CAMTA1: variants seen among roughly 807,000 people sequenced by gnomAD.
The protein encoded by CAMTA1 is calmodulin-binding transcription activator 1.
In CAMTA1, 27 loss-of-function variants were observed where a neutral mutation model predicts 170.9. The observed-to-expected ratio is 0.16, with a 90% CI of 0.12 to 0.22. The LOEUF is 0.22. Among genes scored for constraint, CAMTA1 ranks in the 10% least tolerant of loss-of-function variants. The probability of loss-of-function intolerance (pLI) is 1.00; values close to 1 mark genes in which losing one functional copy is unlikely to be tolerated. For synonymous variants in CAMTA1, 833 were observed against 891.5 expected (o/e 0.93, Z 1.17); for missense variants, 1,619 against 2,217.2 (o/e 0.73, Z 5.42).
chr1:6,953,178 T>C (rs529789709), intron 3 of CAMTA1, among the ~76,000 whole-genome samples: 38 of 152,310 alleles, frequency 2.5e-4, no homozygotes, highest in Non-Finnish European at 4.7e-4. Flanking sequence ...TTTCTCTCCA[T>C]ATCAGTGTTG....
At chr1:7,373,530 C>T (rs1453527723) in intron 5 of CAMTA1, among the ~76,000 whole-genome samples, 1 of 152,132 alleles carries the variant, frequency 6.6e-6, no homozygotes, top group Non-Finnish European at 1.5e-5. Context: ...CACACTGCAG[C>T]GGGGGAAGGT....
At chr1:7,051,426 A>C (rs1195432981) in intron 3 of CAMTA1, among the ~76,000 whole-genome samples, 1 of 152,184 alleles carries the variant, frequency 6.6e-6, no homozygotes, top group Non-Finnish European at 1.5e-5. Flanking sequence ...TCTTCGCTAC[A>C]TCCTGGAGCT....
At chr1:7,135,776 C>T (rs528759456) in intron 4 of CAMTA1, among the ~76,000 whole-genome samples, 5 of 152,146 alleles carry the variant, frequency 3.3e-5, no homozygotes, top group African/African-American at 1.2e-4. Context: ...GACTCTCTAT[C>T]TGTCGTAATT....
intron 6 of CAMTA1, among the ~76,000 whole-genome samples, chr1:7,468,748 C>G (rs1007347809): frequency 6.6e-6 from 1 of 152,206 alleles, no homozygotes; most frequent in African/African-American, 2.4e-5. Flanking sequence ...GAGGCCTTTC[C>G]CACCATGGTT....
intron 3 of CAMTA1, among the ~76,000 whole-genome samples, chr1:7,066,963 G>T (rs150055446): frequency 1.3e-5 from 2 of 152,190 alleles, no homozygotes; most frequent in Admixed American, 6.5e-5. Flanking sequence ...ATTTGTTATC[G>T]CTGACTCTCA....
chr1:7,493,381 AAAC>A (rs1254718856), intron 6 of CAMTA1, among the ~76,000 whole-genome samples: 2 of 19,734 alleles, frequency 1.0e-4, no homozygotes, highest in Non-Finnish European at 1.6e-4. Flanking sequence ...GCGCACACAC[AAAC>A]AAACACGTGC....
chr1:7,495,300 C>T (rs1258410197), intron 6 of CAMTA1, among the ~76,000 whole-genome samples: 2 of 152,126 alleles, frequency 1.3e-5, no homozygotes, highest in Admixed American at 6.5e-5. Context: ...TGATCTTCAA[C>T]GATCATGATT....
chr1:7,233,653 G>C (rs564646639), intron 4 of CAMTA1, among the ~76,000 whole-genome samples: 1 of 152,288 alleles, frequency 6.6e-6, no homozygotes, highest in Non-Finnish European at 1.5e-5. Context: ...AGCCAGACAT[G>C]CCAAGTCTAA....
intron 5 of CAMTA1, among the ~76,000 whole-genome samples, chr1:7,352,476 G>A (rs138336453): frequency 2.4e-4 from 36 of 152,360 alleles, no homozygotes; most frequent in African/African-American, 8.7e-4. Context: ...CGGAGACACA[G>A]TGGCTGAGCT....
At chr1:7,223,129 C>T (rs1177822949) in intron 4 of CAMTA1, among the ~76,000 whole-genome samples, 1 of 152,114 alleles carries the variant, frequency 6.6e-6, no homozygotes, top group Non-Finnish European at 1.5e-5. Context: ...TTTGCCTTGC[C>T]TTTACTTACC....
chr1:6,791,526 C>A (rs531725390), intron 1 of CAMTA1, among the ~76,000 whole-genome samples: 1 of 152,268 alleles, frequency 6.6e-6, no homozygotes, highest in East Asian at 1.9e-4. Flanking sequence ...TGGCTTGATA[C>A]AATAAATTTC....
chr1:7,135,746 C>T (rs1439887885), intron 4 of CAMTA1, among the ~76,000 whole-genome samples: 1 of 152,126 alleles, frequency 6.6e-6, no homozygotes, highest in Non-Finnish European at 1.5e-5. Flanking sequence ...ATTTTAGCAC[C>T]TGGATCGCTG....
chr1:7,109,073 C>A (rs1643869402), intron 4 of CAMTA1, among the ~76,000 whole-genome samples: 1 of 152,248 alleles, frequency 6.6e-6, no homozygotes. Flanking sequence ...TCCAACAGGG[C>A]AGCTTGCTTT....
At chr1:7,142,083 C>A (rs1469114989) in intron 4 of CAMTA1, 1 of 518,436 alleles carries the variant, frequency 1.9e-6, no homozygotes, top group Non-Finnish European at 3.9e-6. Flanking sequence ...GGATCCAGCT[C>A]TTCCTGGTAC....
At chr1:6,954,048 G>A (rs1689011049) in intron 3 of CAMTA1, among the ~76,000 whole-genome samples, 1 of 152,184 alleles carries the variant, frequency 6.6e-6, no homozygotes, top group Non-Finnish European at 1.5e-5. Context: ...TGCGTGGCTT[G>A]AACCCTGACC....
In CAMTA1 at chr1:7,195,327, G is replaced by A. The variant is rs1655319035; in HGVS notation, c.303-54164G>A. On this transcript the variant is annotated intron_variant, in intron 4 of 22. Coordinates refer to ENST00000303635, the MANE Select transcript of CAMTA1 (RefSeq NM_015215.4). The surrounding 1 kb of genome is among the most constrained non-coding windows in gnomAD (Gnocchi z 4.1). ...TGGAAATGACAAGTGCGACTTCATG[G>A]CACAGATTTTCGGAGTCCAAGTGTT... 6.6e-6 allele frequency among the ~76,000 whole-genome samples: 1 copy of A among 152,170 alleles called. No individual in the cohort carries two copies. The highest frequency in any genetic ancestry group is 2.1e-4 in the South Asian group (1 of 4,822).
chr1:6,883,337 A>G (rs886880474), intron 3 of CAMTA1, among the ~76,000 whole-genome samples: 1 of 152,120 alleles, frequency 6.6e-6, no homozygotes, highest in African/African-American at 2.4e-5. Flanking sequence ...TGAAATGGTG[A>G]GAATAAAAGC....
At chr1:6,872,310 A>G (rs983687064) in intron 3 of CAMTA1, among the ~76,000 whole-genome samples, 8 of 152,214 alleles carry the variant, frequency 5.3e-5, no homozygotes, top group African/African-American at 1.9e-4. Context: ...CAGAAATAGT[A>G]GCAACTTGAA....
At chr1:7,218,111 C>G (rs986420614) in intron 4 of CAMTA1, among the ~76,000 whole-genome samples, 1 of 152,180 alleles carries the variant, frequency 6.6e-6, no homozygotes, top group East Asian at 1.9e-4. Flanking sequence ...TTTTATGAAA[C>G]TGCTGCTCCA....
Sources: allele counts gnomAD v4.1 joint callset (sites outside exome capture counted in the v4.1 genomes callset), GRCh38; gene constraint gnomAD v4.1.1; non-coding constraint Gnocchi (gnomAD v3.1); transcripts MANE v1.5; gene names NCBI Gene and HGNC (gene_info 2026-07-23, HGNC 2026-07-21).